HHLA1: variants seen among roughly 807,000 people sequenced by gnomAD.
HHLA1 encodes the protein HERV-H LTR-associating protein 1.
In HHLA1, 72 loss-of-function variants were observed where a neutral mutation model predicts 69.9. The ratio of observed to expected loss-of-function variants is 1.03; its 90% CI spans 0.85 to 1.25. The LOEUF (loss-of-function observed/expected upper bound fraction) is 1.25, where lower values mean the gene tolerates loss of function less well. HHLA1 is among the 50% of genes most tolerant of loss of function. HHLA1 has a pLI of 0.00. For missense variants in HHLA1, 685 were observed against 642.2 expected, an observed-to-expected ratio of 1.07 and a Z score of -0.72; for synonymous variants, 252 against 233.2, an observed-to-expected ratio of 1.08 and a Z score of -0.73.
intron 11 of HHLA1, among the ~76,000 whole-genome samples, chr8:132,079,306 G>A (rs146472107): frequency 8.3e-4 from 126 of 152,326 alleles, no homozygotes; most frequent in African/African-American, 2.9e-3. Context: ...TCACTTCACC[G>A]TTTCATGTGA....
intron 14 of HHLA1, among the ~76,000 whole-genome samples, chr8:132,074,877 A>G (rs185550058): frequency 6.6e-6 from 1 of 152,330 alleles, no homozygotes; most frequent in African/African-American, 2.4e-5. Flanking sequence ...ATAGATAGAT[A>G]TGGTAAATAC....
At chr8:132,079,157 C>T (rs777593344) in intron 11 of HHLA1, among the ~76,000 whole-genome samples, 3 of 152,172 alleles carry the variant, frequency 2.0e-5, no homozygotes, top group African/African-American at 7.2e-5. Context: ...TGATCATGTA[C>T]GCAAGATGCT....
chr8:132,075,354 C>T (rs2130880028), intron 14 of HHLA1, among the ~76,000 whole-genome samples: 1 of 152,250 alleles, frequency 6.6e-6, no homozygotes, highest in Non-Finnish European at 1.5e-5. Flanking sequence ...CACTTTGTAT[C>T]CATTTCTTTC....
In HHLA1 at chr8:132,066,202, C is replaced by A. The variant is rs547627881; in HGVS notation, c.1470-234G>T. 3.3e-5 allele frequency among the ~76,000 whole-genome samples: 5 copies of A among 152,260 alleles called. No homozygotes were observed. In the South Asian group the frequency reaches 1.0e-3, roughly 32 times the overall value. On this transcript the variant is annotated intron_variant, in intron 15 of 16. Coordinates refer to ENST00000414222, the MANE Select transcript of HHLA1 (RefSeq NM_001145095.3). ...CTTATTTTTATCCCTAGCCCCACTG[C>A]GTACTAGGATGCATGACTTCAGGGT...
At chr8:132,100,742 G>A (rs1019762440) in intron 3 of HHLA1, among the ~76,000 whole-genome samples, 2 of 152,198 alleles carry the variant, frequency 1.3e-5, no homozygotes, top group African/African-American at 4.8e-5. Flanking sequence ...CAGGGAGGAG[G>A]AGACTCACAT....
chr8:132,071,270 G>T (rs1823536444), intron 15 of HHLA1, 70 bp downstream of exon 15: 4 of 1,398,866 alleles, frequency 2.9e-6, no homozygotes, highest in Non-Finnish European at 3.9e-6. Context: ...CTTGTGGCCT[G>T]CAGAAAAGCC....
intron 10 of HHLA1, 49 bp from the exon 11 acceptor site, chr8:132,080,015 C>A (rs773364099): frequency 6.4e-7 from 1 of 1,550,812 alleles, no homozygotes; most frequent in South Asian, 1.2e-5. Flanking sequence ...ACACTTTGGG[C>A]ATAAAAAAAC....
At chr8:132,080,179 T>C (rs1415608065) in intron 10 of HHLA1, 1 of 694,574 alleles carries the variant, frequency 1.4e-6, no homozygotes, top group Admixed American at 2.1e-5. Context: ...AGGACTCTGG[T>C]ACATGTCTTT....
intron 4 of HHLA1, 83 bp from the exon 5 acceptor site, chr8:132,099,045 T>C (rs1824072238): frequency 9.4e-7 from 1 of 1,066,310 alleles, no homozygotes; most frequent in Admixed American, 2.3e-5. Flanking sequence ...TTCAGGCAGA[T>C]ATTCAACTTC....
Position 132,105,210 on chromosome 8 carries a change from C to T in HHLA1, c.56G>A (p.Cys19Tyr), listed in dbSNP as rs1824183786. ...PSMKLCMGLA[C>Y]VLSLWNTVSG... is the part of the protein sequence containing the mutation. ...ACCTGTGTTCCAAAGGGACAAGACA[C>T]ATGCCAGGCCCATGCACAGCTTCAT... Residue 19 changes from cysteine (C) to tyrosine (Y), a missense_variant, in exon 2 of 17, where the codon TGT (cysteine) becomes TAT (tyrosine). By Grantham distance (194) the Cys-to-Tyr change is radical. Coordinates refer to ENST00000414222, the MANE Select transcript of HHLA1 (RefSeq NM_001145095.3). 2 of 1,552,050 alleles carry T rather than the reference C, an allele frequency of 1.3e-6. No homozygotes were observed. The highest frequency in any genetic ancestry group is 1.4e-5 in the African/African-American group (1 of 73,026).
chr8:132,092,253 C>T (rs375184104), intron 7 of HHLA1, among the ~76,000 whole-genome samples: 4 of 152,166 alleles, frequency 2.6e-5, no homozygotes, highest in Admixed American at 6.5e-5. Context: ...TTTAAAGCAA[C>T]GACTATAATT....
At chr8:132,064,073 T>C (rs1823395561) in intron 16 of HHLA1, 35 bp from the exon 17 acceptor site, 1 of 1,263,934 alleles carries the variant, frequency 7.9e-7, no homozygotes, top group Non-Finnish European at 1.0e-6. Context: ...GAACTCAAGG[T>C]ACTGAGATAT....
chr8:132,077,654 A>T (rs772654567), intron 12 of HHLA1, 72 bp downstream of exon 12: 3 of 1,470,208 alleles, frequency 2.0e-6, no homozygotes, highest in Non-Finnish European at 2.8e-6. Context: ...AAAAATTTAG[A>T]AAGTTTATCA....
intron 10 of HHLA1, among the ~76,000 whole-genome samples, chr8:132,084,339 G>T (rs529596153): frequency 1.3e-5 from 2 of 152,198 alleles, no homozygotes; most frequent in South Asian, 2.1e-4. Flanking sequence ...AGAAAAGGAA[G>T]ATTAGAAAGA....
intron 7 of HHLA1, among the ~76,000 whole-genome samples, chr8:132,092,293 A>T (rs1216578686): frequency 6.6e-6 from 1 of 152,226 alleles, no homozygotes; most frequent in Admixed American, 6.5e-5. Flanking sequence ...GAGTGTAGCC[A>T]TGAGATTAAA....
intron 10 of HHLA1, among the ~76,000 whole-genome samples, chr8:132,082,790 C>T (rs1482662863): frequency 6.6e-6 from 1 of 152,152 alleles, no homozygotes; most frequent in Non-Finnish European, 1.5e-5. Flanking sequence ...TTGGGCACCA[C>T]AGGGTGGACA....
chr8:132,089,593 G>A lies in HHLA1; in HGVS notation c.455C>T (p.Thr152Ile), dbSNP rs1212769998. 19 of 1,474,564 alleles carry A rather than the reference G, an allele frequency of 1.3e-5. No individual in the cohort carries two copies. The highest frequency in any genetic ancestry group is 2.4e-5 in the South Asian group (2 of 82,414). The allele number at this position is 1,474,564 out of a possible 1,614,324, so 91.3% of individuals were successfully genotyped here. A position where few individuals can be genotyped will look rare whatever the true frequency, so the allele number is the denominator to read the frequency against. The change falls in exon 8 of 17, where the codon ACA (threonine) becomes ATA (isoleucine). Residue 152 changes from threonine (T) to isoleucine (I), a missense_variant. Physicochemically the swap from Thr to Ile is moderately conservative, Grantham distance 89. Coordinates refer to ENST00000414222, the MANE Select transcript of HHLA1 (RefSeq NM_001145095.3). ...GCCGATGATATCTACCAGTAGAGCT[G>A]TAAAATCTGCAAGACAAATTTAGGA... Reference protein sequence around the residue: ...NNRTNDLSDFTALLVDIIGNS... With the variant: ...NNRTNDLSDFIALLVDIIGNS...
In HHLA1 at chr8:132,063,976, TA is replaced by T. The variant is rs1200644238; in HGVS notation, c.*18del. The T allele has an allele frequency of 1.0e-5, 13 of 1,288,248 alleles. No homozygotes were observed. Among genetic ancestry groups the T allele is most frequent in the Admixed American group, 2.3e-5 (1 of 43,288 alleles). The allele number at this position is 1,288,248 out of a possible 1,614,324, so 79.8% of individuals were successfully genotyped here. A position where few individuals can be genotyped will look rare whatever the true frequency, so the allele number is the denominator to read the frequency against. ...ATCCCCTGAAGTAATTGTTATGCCC[TA>T]GTGTTATTTTCAAGGCCTCACACAG... On this transcript the variant is annotated 3_prime_UTR_variant, in exon 17 of 17. Transcript: ENST00000414222.
chr8:132,076,447 AC>A lies in HHLA1; in HGVS notation c.1240+27del, dbSNP rs776538807. Reference sequence around the variant, plus strand: ...CACCCCTCCCATCCCCCACCCCCAAACCCCCACTTCCGTACTGAGTTTCTCA... The same window carrying A: ...CACCCCTCCCATCCCCCACCCCCAAACCCCACTTCCGTACTGAGTTTCTCA... On this transcript the variant is annotated intron_variant, in intron 13 of 16. Transcript: ENST00000414222. 114 of 1,280,624 alleles carry A rather than the reference AC, an allele frequency of 8.9e-5. No homozygotes were observed. The Admixed American group carries it at 2.3e-3, about 26-fold the overall frequency. 79.3% of individuals were successfully genotyped at this position (1,280,624 alleles called of 1,614,324 possible). A position where few individuals can be genotyped will look rare whatever the true frequency, so the allele number is the denominator to read the frequency against.
Sources: gnomAD v4.1 joint callset for allele counts (sites outside exome capture counted in the v4.1 genomes callset) on GRCh38, gnomAD v4.1.1 for gene constraint, MANE v1.5 for transcripts, NCBI Gene and HGNC (gene_info 2026-07-23, HGNC 2026-07-21) for gene names.